CSMD1: variants seen among roughly 807,000 people sequenced by gnomAD.
CSMD1 encodes the protein CUB and sushi domain-containing protein 1.
CSMD1 carries 213 observed loss-of-function variants against 417.5 expected under a neutral mutation model. That is an observed-to-expected ratio of 0.51 (90% confidence interval 0.46 to 0.57). CSMD1 has a LOEUF of 0.57. CSMD1 is among the 20% of genes least tolerant of loss of function. CSMD1 has a pLI of 0.00. For missense variants in CSMD1, 6,923 were observed against 4,529.7 expected (o/e 1.53, Z -15.17); for synonymous variants, 2,862 against 1,736.8 (o/e 1.65, Z -16.11).
At chr8:4,934,879 G>C (rs1413160319) in intron 1 of CSMD1, among the ~76,000 whole-genome samples, 1 of 151,938 alleles carries the variant, frequency 6.6e-6, no homozygotes, top group Non-Finnish European at 1.5e-5. Flanking sequence ...CATCAATCAT[G>C]TCTATCTGTA....
intron 10 of CSMD1, among the ~76,000 whole-genome samples, chr8:3,528,787 C>CA (rs1490505516): frequency 2.6e-5 from 4 of 152,078 alleles, no homozygotes; most frequent in African/African-American, 9.7e-5. Flanking sequence ...GGTTGACAGA[C>CA]AGAAAACACC....
intron 7 of CSMD1, among the ~76,000 whole-genome samples, chr8:3,687,806 T>C (rs1408083232): frequency 1.3e-5 from 2 of 152,146 alleles, no homozygotes; most frequent in Non-Finnish European, 2.9e-5. Flanking sequence ...TCCACTTAAG[T>C]CTCTCTCGAG....
intron 49 of CSMD1, among the ~76,000 whole-genome samples, chr8:3,061,567 C>G (rs2128993833): frequency 6.6e-6 from 1 of 152,264 alleles, no homozygotes; most frequent in South Asian, 2.1e-4. Flanking sequence ...CAGGGGTTGA[C>G]AGTGTCTCCT....
intron 12 of CSMD1, among the ~76,000 whole-genome samples, chr8:3,453,791 G>T (rs1383740608): frequency 6.6e-6 from 1 of 152,206 alleles, no homozygotes; most frequent in East Asian, 1.9e-4. Context: ...ATATTCTATT[G>T]ATTTGGGGGG....
chr8:3,366,959 C>T, intron 20 of CSMD1, 73 bp downstream of exon 20: 1 of 1,153,936 alleles, frequency 8.7e-7, no homozygotes, highest in Non-Finnish European at 1.3e-6. Flanking sequence ...CACACACACC[C>T]ACACACATTC....
chr8:3,685,585 G>A (rs1206251458), intron 7 of CSMD1, among the ~76,000 whole-genome samples: 1 of 152,056 alleles, frequency 6.6e-6, no homozygotes, highest in East Asian at 1.9e-4. Context: ...TGAAGCATCT[G>A]GCATCTCATT....
rs538831404 is a variant in CSMD1 at position 4,342,015 on chromosome 8, T to C, written c.415+77938A>G. Among the ~76,000 whole-genome samples the C allele has an allele frequency of 2.0e-5, 3 of 152,262 alleles. No homozygotes were observed. In the South Asian group the frequency reaches 6.2e-4, roughly 32 times the overall value. On this transcript the variant is annotated intron_variant, in intron 3 of 69. Coordinates refer to ENST00000635120, the MANE Select transcript of CSMD1 (RefSeq NM_033225.6). Reference sequence around the variant, plus strand: ...TTCCACCATGCAGTCATTTTAAGACTTGGTCTCAAGATACAAATTCTTGAT... The same window carrying C: ...TTCCACCATGCAGTCATTTTAAGACCTGGTCTCAAGATACAAATTCTTGAT...
At chr8:4,211,417 G>A (rs868645909) in intron 3 of CSMD1, among the ~76,000 whole-genome samples, 14 of 152,134 alleles carry the variant, frequency 9.2e-5, no homozygotes, top group Non-Finnish European at 1.3e-4. Context: ...CAGCATCACT[G>A]AATTTTGTCT....
intron 1 of CSMD1, among the ~76,000 whole-genome samples, chr8:4,643,705 G>A (rs1449537697): frequency 6.6e-6 from 1 of 152,074 alleles, no homozygotes; most frequent in Admixed American, 6.6e-5. Flanking sequence ...TGTTTGAAAC[G>A]GTAAACAAAT....
At chr8:3,598,233 G>A (rs748871106) in intron 8 of CSMD1, 1 of 152,210 alleles carries the variant, frequency 6.6e-6, no homozygotes, top group African/African-American at 2.4e-5. Context: ...AAATTATACT[G>A]TGCTGTGTAG....
intron 4 of CSMD1, among the ~76,000 whole-genome samples, chr8:4,011,485 C>G (rs181917857): frequency 6.6e-5 from 10 of 152,264 alleles, no homozygotes; most frequent in African/African-American, 1.9e-4. Flanking sequence ...GTTACATCCT[C>G]TCTTGAACCC....
At position 3,189,062 on chromosome 8, in the gene CSMD1, G is replaced by A. The variant is rs1563126165; in HGVS notation, c.5399-51C>T. On this transcript the variant is annotated intron_variant, in intron 34 of 69. Transcript: ENST00000635120. ...AAATAAAGTGCTGTGGGACAGTGTT[G>A]ATTTGGCATGCAGTTTTCTTTCACT... 9.8e-6 allele frequency: 15 copies of A among 1,525,864 alleles called. No individual in the cohort carries two copies. The East Asian group carries it at 3.5e-4, about 36-fold the overall frequency. The allele number at this position is 1,525,864 out of a possible 1,614,324, so 94.5% of individuals were successfully genotyped here.
At chr8:4,055,197 T>C (rs1237656870) in intron 3 of CSMD1, among the ~76,000 whole-genome samples, 1 of 152,166 alleles carries the variant, frequency 6.6e-6, no homozygotes, top group Non-Finnish European at 1.5e-5. Context: ...AAAACTTCAA[T>C]TTTCTTATTC....
At chr8:4,051,099 T>C (rs947340787) in intron 3 of CSMD1, among the ~76,000 whole-genome samples, 2 of 151,780 alleles carry the variant, frequency 1.3e-5, no homozygotes. Flanking sequence ...AGCATCTTTA[T>C]TGAAAGGGAG....
intron 3 of CSMD1, among the ~76,000 whole-genome samples, chr8:4,065,521 G>C (rs1045564077): frequency 6.6e-6 from 1 of 151,640 alleles, no homozygotes; most frequent in Non-Finnish European, 1.5e-5. Flanking sequence ...GTGAAGTTAC[G>C]GTATCAAGAA....
At position 3,500,011 on chromosome 8, in the gene CSMD1, C is replaced by G. The variant is rs574272305; in HGVS notation, c.1345-6285G>C. On this transcript the variant is annotated intron_variant, in intron 10 of 69. Coordinates refer to ENST00000635120, the MANE Select transcript of CSMD1 (RefSeq NM_033225.6). ...GCCTATGAGGCCTGTGGGGGCTTTT[C>G]TGAAGCCCTGAATACAGGCATCTGG... Among the ~76,000 whole-genome samples, 7 of 152,196 alleles carry G rather than the reference C, an allele frequency of 4.6e-5. No individual in the cohort carries two copies. The South Asian group carries it at 1.5e-3, about 32-fold the overall frequency.
intron 12 of CSMD1, among the ~76,000 whole-genome samples, chr8:3,435,029 G>C (rs538899041): frequency 2.0e-5 from 3 of 150,704 alleles, no homozygotes; most frequent in Non-Finnish European, 4.4e-5. Context: ...ACAGGACTGG[G>C]AGCTGGTAGC....
At chr8:3,267,786 G>A (rs757518875) in intron 26 of CSMD1, among the ~76,000 whole-genome samples, 1 of 152,156 alleles carries the variant, frequency 6.6e-6, no homozygotes, top group Non-Finnish European at 1.5e-5. Context: ...GGAGCGGGGA[G>A]ACCAAGGGGT....
chr8:3,300,176 C>G (rs1276949264), intron 25 of CSMD1, among the ~76,000 whole-genome samples: 3 of 151,986 alleles, frequency 2.0e-5, no homozygotes, highest in African/African-American at 7.2e-5. Context: ...AAACATTTGG[C>G]CATGTTTATT....
Sources: allele counts gnomAD v4.1 joint callset (sites outside exome capture counted in the v4.1 genomes callset), GRCh38; gene constraint gnomAD v4.1.1; transcripts MANE v1.5; gene names NCBI Gene and HGNC (gene_info 2026-07-23, HGNC 2026-07-21).